The following NUP88 variants were observed in gnomAD, a reference collection of about 807,000 sequenced individuals.
NUP88 encodes the protein nucleoporin 88.
A neutral mutation model predicts 93.9 loss-of-function variants in NUP88; 57 were observed. The observed-to-expected ratio is 0.61, with a 90% CI of 0.49 to 0.76. NUP88 has a LOEUF of 0.76. Among genes scored for constraint, NUP88 ranks in the 30% least tolerant of loss-of-function variants. The probability of loss-of-function intolerance (pLI) is 0.00; values close to 1 mark genes in which losing one functional copy is unlikely to be tolerated. For synonymous variants in NUP88, 346 were observed against 336.8 expected (o/e 1.03, Z -0.30); for missense variants, 911 against 901.0 (o/e 1.01, Z -0.14).
At chr17:5,418,553 T>C (rs141093844) in intron 1 of NUP88, among the ~76,000 whole-genome samples, 1,593 of 152,256 alleles carry the variant, frequency 0.01, 22 homozygotes, top group African/African-American at 0.036. Flanking sequence ...CGCCCGGCCT[T>C]CATAATTCTT....
chr17:5,401,173 CAGG>C (rs1285947291), intron 7 of NUP88, among the ~76,000 whole-genome samples: 9 of 151,998 alleles, frequency 5.9e-5, no homozygotes, highest in African/African-American at 2.2e-4. Flanking sequence ...CACCTCAGGC[CAGG>C]AGTTCAAGAC....
Position 5,386,108 on chromosome 17 carries a change from A to G in NUP88, c.*98T>C, listed in dbSNP as rs1412017155. Reference sequence around the variant, plus strand: ...GATGAACCACACCAAAGGTCATCAAAACACCTTTTTATAAATTAGATAATT... The same window carrying G: ...GATGAACCACACCAAAGGTCATCAAGACACCTTTTTATAAATTAGATAATT... On this transcript the variant is annotated 3_prime_UTR_variant, in exon 17 of 17. Transcript: ENST00000573584. 7 of 877,402 alleles carry G rather than the reference A, an allele frequency of 8.0e-6. No homozygotes were observed. The highest frequency in any genetic ancestry group is 1.1e-5 in the Non-Finnish European group (6 of 564,186). 54.4% of individuals were successfully genotyped at this position (877,402 alleles called of 1,614,324 possible).
At chr17:5,416,728 A>G (rs1914172900) in intron 1 of NUP88, 46 bp from the exon 2 acceptor site, 2 of 1,466,632 alleles carry the variant, frequency 1.4e-6, no homozygotes, top group African/African-American at 2.9e-5. Context: ...TTTAATTTAA[A>G]TATAGGTGGC....
chr17:5,397,407 C>T (rs1912844445), intron 8 of NUP88, among the ~76,000 whole-genome samples: 1 of 151,914 alleles, frequency 6.6e-6, no homozygotes. Context: ...CTTAATGTTA[C>T]CACAAGTTTC....
rs181263273 is a variant in NUP88, at chr17:5,415,541, T to C, written c.467+972A>G. On this transcript the variant is annotated intron_variant, in intron 2 of 16. Transcript: ENST00000573584. The stretch of plus-strand genomic sequence containing the variant: ...AGTTTAAGGGGACTCAACTTATAAG[T>C]TGCGGAGCTAAAAGCAGTTTCTACC... 2.1e-4 allele frequency among the ~76,000 whole-genome samples: 32 copies of C among 152,328 alleles called. 1 individual carries two copies. Among genetic ancestry groups the C allele is most frequent in the Non-Finnish European group, 2.2e-4 (15 of 68,030 alleles).
In NUP88 at chr17:5,386,982, A is replaced by C; in HGVS notation, c.2043+2T>G. 6.2e-7 allele frequency: 1 copy of C among 1,613,776 alleles called. No individual in the cohort carries two copies. Among genetic ancestry groups the C allele is most frequent in the Non-Finnish European group, 8.5e-7 (1 of 1,179,886 alleles). On this transcript the variant is annotated splice_donor_variant, in intron 15 of 16. Coordinates refer to ENST00000573584, the MANE Select transcript of NUP88 (RefSeq NM_002532.6). LOFTEE classifies it high-confidence loss of function. ...ATTTAGCTAGTTTGGATCTATTCCT[A>C]CCTGTTTGATGGCATTGCCCAAATG...
At chr17:5,396,885 A>G (rs57774467) in intron 8 of NUP88, among the ~76,000 whole-genome samples, 66,344 of 151,924 alleles carry the variant, frequency 0.44, 15,235 homozygotes, top group East Asian at 0.84. Flanking sequence ...AATGACTAAT[A>G]ATGTTGTACA....
chr17:5,389,467 T>C (rs969002068), intron 10 of NUP88, among the ~76,000 whole-genome samples: 3 of 152,162 alleles, frequency 2.0e-5, no homozygotes, highest in Non-Finnish European at 2.9e-5. Flanking sequence ...TGACTTACTC[T>C]GAAGGCAACA....
Position 5,405,159 on chromosome 17 carries a change from T to C in NUP88, c.942A>G (p.Val314=). ...EDNYGYDACA[V]LCLPCVPNIL... ...TATTGGGGACACAGGGTAAGCAGAG[T>C]ACAGCACACGCATCATAACCATAGT... The change falls in exon 6 of 17, where the codon GTA becomes GTG. Residue 314 remains valine, a synonymous_variant. Coordinates refer to ENST00000573584, the MANE Select transcript of NUP88 (RefSeq NM_002532.6). The C allele has an allele frequency of 6.2e-7, 1 of 1,614,096 alleles. No individual in the cohort carries two copies.
chr17:5,407,465 T>C (rs1458853076), intron 5 of NUP88, among the ~76,000 whole-genome samples: 5 of 152,100 alleles, frequency 3.3e-5, no homozygotes, highest in Admixed American at 2.0e-4. Flanking sequence ...TCTGCCAGAG[T>C]GGGTCCTGAA....
rs1386237619 is a variant in NUP88 at position 5,408,627 on chromosome 17, A to G, written c.857+106T>C. 3 of 818,636 alleles carry G rather than the reference A, an allele frequency of 3.7e-6. No homozygotes were observed. In the Admixed American group the frequency reaches 8.1e-5, roughly 22 times the overall value. 50.7% of individuals were successfully genotyped at this position (818,636 alleles called of 1,614,324 possible). On this transcript the variant is annotated intron_variant, in intron 5 of 16. Transcript: ENST00000573584. ...TGCAAGCCAAGCATGTGAAGGCTGC[A>G]ACATTTCCACAGACTCAAAAACATG...
chr17:5,386,877 C>G (rs761778138), intron 15 of NUP88, 51 bp from the exon 16 acceptor site: 3 of 1,582,802 alleles, frequency 1.9e-6, no homozygotes, highest in Non-Finnish European at 2.6e-6. Context: ...CACACATTTT[C>G]ACAGTATCTA....
At chr17:5,417,867 C>G (rs867395957) in intron 1 of NUP88, 2 of 151,354 alleles carry the variant, frequency 1.3e-5, no homozygotes, top group South Asian at 2.1e-4. Context: ...AACAGCCGGG[C>G]GCAGTGGCTC....
Position 5,414,232 on chromosome 17 carries a change from G to A in NUP88, c.468-98C>T, listed in dbSNP as rs528418943. 1,799 of 1,090,212 alleles carry A rather than the reference G, an allele frequency of 1.7e-3. 3 individuals are homozygous for A. The highest frequency in any genetic ancestry group is 3.2e-3 in the Middle Eastern group (12 of 3,722). The allele number at this position is 1,090,212 out of a possible 1,614,324, so 67.5% of individuals were successfully genotyped here. ...TTTTTGCAGATGGAGTTTCTCTCTTGTTGCCCAGGCTGGAGTGTAACGGCA... is the reference window on the plus strand; with the variant it reads ...TTTTTGCAGATGGAGTTTCTCTCTTATTGCCCAGGCTGGAGTGTAACGGCA... On this transcript the variant is annotated intron_variant, in intron 2 of 16. Coordinates refer to ENST00000573584, the MANE Select transcript of NUP88 (RefSeq NM_002532.6).
chr17:5,393,527 C>T (rs765476610), intron 9 of NUP88, among the ~76,000 whole-genome samples: 5 of 150,076 alleles, frequency 3.3e-5, no homozygotes, highest in Non-Finnish European at 5.9e-5. Context: ...ACCTGTGCTG[C>T]CCGGGTTCAA....
rs1912133317 is a variant in NUP88, at chr17:5,387,863, A to G, written c.1685T>C (p.Leu562Pro). The G allele has an allele frequency of 1.2e-6, 2 of 1,613,924 alleles. No individual in the cohort carries two copies. The highest frequency in any genetic ancestry group is 1.7e-6 in the Non-Finnish European group (2 of 1,179,912). Residue 562 changes from leucine to proline, a missense_variant, in exon 12 of 17, where the codon CTT becomes CCT. Transcript: ENST00000573584. ...CTGGGTGGCTCTGCTGAGGAGCTGA[A>G]GGCATTCTTCAGGAGGAGGGGCTAT... ...KDIAPPPEEC[L>P]QLLSRATQVF... is the part of the protein sequence containing the mutation.
At chr17:5,397,844 A>ATT (rs79561286) in intron 8 of NUP88, among the ~76,000 whole-genome samples, 2 of 151,758 alleles carry the variant, frequency 1.3e-5, no homozygotes, top group Non-Finnish European at 1.5e-5. Context: ...AGGCTGCTAG[A>ATT]TTTTTTTTAA....
At chr17:5,390,029 G>A (rs895978980) in intron 10 of NUP88, among the ~76,000 whole-genome samples, 1 of 151,854 alleles carries the variant, frequency 6.6e-6, no homozygotes, top group African/African-American at 2.4e-5. Context: ...AGCTGGGCAT[G>A]TGGTGTGCGC....
rs1806245 is a variant in NUP88, at chr17:5,405,235, T to C, written c.866A>G (p.Asn289Ser). ...TYISLLHSPGNIGKLLGPLPM... is the reference protein window; with the variant it reads ...TYISLLHSPGSIGKLLGPLPM... ...CAATGGACCCAACAGCTTTCCAATA[T>C]TTCCAGGGCTAAAGAAGGAGTAAAA... Residue 289 changes from asparagine to serine, a missense_variant, in exon 6 of 17, where the codon AAT becomes AGT. Asn to Ser is a conservative substitution (Grantham distance 46). Coordinates refer to ENST00000573584, the MANE Select transcript of NUP88 (RefSeq NM_002532.6). 3 of 1,613,048 alleles carry C rather than the reference T, an allele frequency of 1.9e-6. No individual in the cohort carries two copies. The highest frequency in any genetic ancestry group is 2.2e-5 in the South Asian group (2 of 90,838).
Sources: gnomAD v4.1 joint callset for allele counts (sites outside exome capture counted in the v4.1 genomes callset) on GRCh38, gnomAD v4.1.1 for gene constraint, MANE v1.5 for transcripts, NCBI Gene and HGNC (gene_info 2026-07-23, HGNC 2026-07-21) for gene names.